The following PDE4D variants were observed in gnomAD, a reference collection of about 807,000 sequenced individuals.
The protein encoded by PDE4D is 3',5'-cyclic-AMP phosphodiesterase 4D.
A neutral mutation model predicts 87.4 loss-of-function variants in PDE4D; 24 were observed. The ratio of observed to expected loss-of-function variants is 0.27; its 90% CI spans 0.20 to 0.39. The LOEUF (loss-of-function observed/expected upper bound fraction) is 0.39, where lower values mean the gene tolerates loss of function less well. PDE4D is among the 10% of genes least tolerant of loss of function. The pLI is 1.00. For synonymous variants in PDE4D, 384 were observed against 383.2 expected (o/e 1.00, Z -0.02); for missense variants, 714 against 1,041.0 (o/e 0.69, Z 4.32).
chr5:59,855,494 T>G (rs1471964703), intron 1 of PDE4D, among the ~76,000 whole-genome samples: 1 of 152,138 alleles, frequency 6.6e-6, no homozygotes, highest in African/African-American at 2.4e-5. Flanking sequence ...TGAAAATCCA[T>G]TACTAAAATT....
intron 2 of PDE4D, among the ~76,000 whole-genome samples, chr5:60,107,219 A>G (rs1391083330): frequency 1.3e-5 from 2 of 152,228 alleles, no homozygotes; most frequent in Admixed American, 6.5e-5. Context: ...ATTAGAGAAT[A>G]CTACAAAAAC....
At chr5:59,408,843 T>C (rs1792168892) in intron 1 of PDE4D, among the ~76,000 whole-genome samples, 1 of 152,124 alleles carries the variant, frequency 6.6e-6, no homozygotes, top group Non-Finnish European at 1.5e-5. Flanking sequence ...GGCTGATTTC[T>C]TCCTTTTAGA....
intron 1 of PDE4D, among the ~76,000 whole-genome samples, chr5:59,786,576 G>T (rs1246378606): frequency 6.6e-6 from 1 of 152,220 alleles, no homozygotes; most frequent in Admixed American, 6.5e-5. Flanking sequence ...GCCTGTGGCA[G>T]AAAATAACCT....
chr5:59,397,382 C>G lies in PDE4D; in HGVS notation c.456-181414G>C, dbSNP rs749283669. 1.4e-3 allele frequency among the ~76,000 whole-genome samples: 174 copies of G among 120,738 alleles called. 30 individuals carry two copies. The highest frequency in any genetic ancestry group is 2.6e-3 in the Non-Finnish European group (146 of 56,652). The allele number at this position is 120,738 out of a possible 152,430, so 79.2% of individuals were successfully genotyped here. On this transcript the variant is annotated intron_variant, in intron 1 of 14. Coordinates refer to ENST00000340635, the MANE Select transcript of PDE4D (RefSeq NM_001104631.2). ...GAACAGAAATTATAACAAACTATCT[C>G]TCAGACCACAGTGCAATCAAATTAG...
intron 5 of PDE4D, among the ~76,000 whole-genome samples, chr5:59,175,915 C>T (rs1217222826): frequency 1.3e-5 from 2 of 151,626 alleles, no homozygotes; most frequent in East Asian, 3.9e-4. Flanking sequence ...TAGGGGTGTG[C>T]CACCATGCCC....
intron 1 of PDE4D, among the ~76,000 whole-genome samples, chr5:59,855,065 C>T (rs1343323223): frequency 6.6e-6 from 1 of 152,060 alleles, no homozygotes; most frequent in African/African-American, 2.4e-5. Context: ...GGTAATGTTG[C>T]CAAAATGCGG....
At chr5:59,335,825 T>C (rs930938606) in intron 1 of PDE4D, among the ~76,000 whole-genome samples, 22 of 152,308 alleles carry the variant, frequency 1.4e-4, no homozygotes, top group Admixed American at 9.8e-4. Context: ...ATAATATAAA[T>C]AGTTCAAAAG....
chr5:59,285,713 T>C (rs759158819), intron 1 of PDE4D, among the ~76,000 whole-genome samples: 1 of 152,184 alleles, frequency 6.6e-6, no homozygotes, highest in Non-Finnish European at 1.5e-5. Flanking sequence ...ACAGAGTATT[T>C]GAATTCTAAT....
intron 1 of PDE4D, among the ~76,000 whole-genome samples, chr5:59,550,708 T>TC (rs1175156314): frequency 2.0e-5 from 3 of 151,514 alleles, no homozygotes; most frequent in Admixed American, 6.6e-5. Context: ...AAGAATTTTT[T>TC]TTTTTTTGAG....
intron 1 of PDE4D, among the ~76,000 whole-genome samples, chr5:59,807,356 C>T (rs937828470): frequency 1.3e-5 from 2 of 152,150 alleles, no homozygotes; most frequent in Admixed American, 6.5e-5. Flanking sequence ...GCTAACAGGG[C>T]CTGTGGGGTC....
intron 3 of PDE4D, among the ~76,000 whole-genome samples, chr5:59,977,769 C>T (rs192415606): frequency 1.3e-5 from 2 of 152,268 alleles, no homozygotes; most frequent in East Asian, 3.9e-4. Flanking sequence ...AAAGTCAATG[C>T]CTGGCTTCAA....
intron 5 of PDE4D, among the ~76,000 whole-genome samples, chr5:59,134,907 T>A (rs539467250): frequency 1.3e-5 from 2 of 152,352 alleles, no homozygotes; most frequent in South Asian, 2.1e-4. Context: ...TTGTACCTTT[T>A]ATGACTACTT....
intron 1 of PDE4D, among the ~76,000 whole-genome samples, chr5:59,514,679 C>A (rs1280685293): frequency 2.6e-5 from 4 of 152,130 alleles, no homozygotes; most frequent in Non-Finnish European, 5.9e-5. Flanking sequence ...GTTCAACAGA[C>A]AAAAACCAAC....
chr5:59,580,871 T>C (rs530134092), intron 1 of PDE4D, among the ~76,000 whole-genome samples: 3 of 152,316 alleles, frequency 2.0e-5, no homozygotes, highest in South Asian at 4.2e-4. Flanking sequence ...GTGCTTTTTT[T>C]AAATTATTTT....
At chr5:59,538,824 G>C (rs913383428) in intron 1 of PDE4D, among the ~76,000 whole-genome samples, 1 of 152,072 alleles carries the variant, frequency 6.6e-6, no homozygotes, top group African/African-American at 2.4e-5. Context: ...ATGTGCAACT[G>C]TCCTCTCTGC....
At chr5:59,113,109 T>C (rs1466884925) in intron 5 of PDE4D, among the ~76,000 whole-genome samples, 1 of 152,150 alleles carries the variant, frequency 6.6e-6, no homozygotes, top group Non-Finnish European at 1.5e-5. Context: ...TCCTTCCACC[T>C]TCCCTCACTT....
intron 2 of PDE4D, among the ~76,000 whole-genome samples, chr5:60,028,037 G>A (rs1481792214): frequency 6.6e-6 from 1 of 152,136 alleles, no homozygotes; most frequent in Non-Finnish European, 1.5e-5. Flanking sequence ...AGAGGACCCT[G>A]AAATACTTCT....
At chr5:59,982,488 G>A (rs1762026129) in intron 3 of PDE4D, among the ~76,000 whole-genome samples, 1 of 152,154 alleles carries the variant, frequency 6.6e-6, no homozygotes, top group Admixed American at 6.5e-5. Flanking sequence ...TTGTCTAGGG[G>A]CACATGGACC....
intron 1 of PDE4D, among the ~76,000 whole-genome samples, chr5:59,429,735 T>C (rs530529307): frequency 6.6e-6 from 1 of 152,238 alleles, no homozygotes; most frequent in East Asian, 1.9e-4. Context: ...GTTAACTATA[T>C]CATCGCTATT....
Sources: gnomAD v4.1 joint callset for allele counts (sites outside exome capture counted in the v4.1 genomes callset) on GRCh38, gnomAD v4.1.1 for gene constraint, MANE v1.5 for transcripts, NCBI Gene and HGNC (gene_info 2026-07-23, HGNC 2026-07-21) for gene names.